RAB18: variants seen among roughly 807,000 people sequenced by gnomAD.
RAB18 encodes RAB18, member RAS oncogene family.
Under a neutral mutation model 28.5 loss-of-function variants are expected in RAB18, and 10 were observed. The observed-to-expected ratio is 0.35, with a 90% CI of 0.22 to 0.60. The LOEUF (loss-of-function observed/expected upper bound fraction) is 0.60. Among genes scored for constraint, RAB18 ranks in the 20% least tolerant of loss-of-function variants. The pLI is 0.78. For missense variants in RAB18, 188 were observed against 244.2 expected, an observed-to-expected ratio of 0.77 and a Z score of 1.53; for synonymous variants, 93 against 86.9, an observed-to-expected ratio of 1.07 and a Z score of -0.39.
At chr10:27,523,117 T>A (rs1050585228) in intron 2 of RAB18, among the ~76,000 whole-genome samples, 3 of 152,070 alleles carry the variant, frequency 2.0e-5, no homozygotes, top group Non-Finnish European at 4.4e-5. Context: ...TCTTTTCTAA[T>A]ATGGGTGTTT....
At chr10:27,522,476 T>C (rs1834580997) in intron 2 of RAB18, among the ~76,000 whole-genome samples, 1 of 152,202 alleles carries the variant, frequency 6.6e-6, no homozygotes, top group Non-Finnish European at 1.5e-5. Flanking sequence ...ATAGAAAGCA[T>C]GTAGTTGAAT....
At chr10:27,504,518 G>C in intron 1 of RAB18, 81 bp downstream of exon 1, 1 of 1,472,254 alleles carries the variant, frequency 6.8e-7, no homozygotes, top group Non-Finnish European at 9.3e-7. Flanking sequence ...GCCGCGACGG[G>C]AACTGTAAAC....
At chr10:27,536,093 A>G (rs993744751) in intron 6 of RAB18, among the ~76,000 whole-genome samples, 4 of 151,790 alleles carry the variant, frequency 2.6e-5, no homozygotes, top group Non-Finnish European at 5.9e-5. Flanking sequence ...AAAAAAAAAA[A>G]AGAGAGCAAT....
chr10:27,530,769 A>G (rs1834772195), intron 3 of RAB18, among the ~76,000 whole-genome samples: 1 of 151,878 alleles, frequency 6.6e-6, no homozygotes, highest in Non-Finnish European at 1.5e-5. Flanking sequence ...TATGATATGC[A>G]TAGTAGTTAC....
At chr10:27,526,021 G>A (rs903032064) in intron 2 of RAB18, among the ~76,000 whole-genome samples, 8 of 152,154 alleles carry the variant, frequency 5.3e-5, no homozygotes, top group Admixed American at 2.6e-4. Context: ...GTGGGCAGTT[G>A]CTGTTCATTT....
At chr10:27,509,019 C>T (rs1405369740) in intron 1 of RAB18, among the ~76,000 whole-genome samples, 1 of 152,188 alleles carries the variant, frequency 6.6e-6, no homozygotes, top group Non-Finnish European at 1.5e-5. Context: ...TAATAACTGA[C>T]ACTTCTGCTT....
At chr10:27,507,700 C>A (rs1211961630) in intron 1 of RAB18, among the ~76,000 whole-genome samples, 1 of 151,860 alleles carries the variant, frequency 6.6e-6, no homozygotes, top group Admixed American at 6.6e-5. Context: ...ACATTTTGCT[C>A]CTTTAACTTT....
intron 6 of RAB18, among the ~76,000 whole-genome samples, chr10:27,535,876 G>A (rs184144731): frequency 3.0e-3 from 458 of 152,282 alleles, no homozygotes; most frequent in Non-Finnish European, 4.7e-3. Flanking sequence ...TACGAGGTCA[G>A]GAGATCGAGA....
At chr10:27,521,431 G>T (rs1834550663) in intron 2 of RAB18, among the ~76,000 whole-genome samples, 1 of 152,122 alleles carries the variant, frequency 6.6e-6, no homozygotes, top group Admixed American at 6.6e-5. Context: ...ATTCACAATT[G>T]CAAAAATATG....
Position 27,521,178 on chromosome 10 carries a change from A to T in RAB18, c.125-5650A>T, listed in dbSNP as rs1589573141. 2.0e-5 allele frequency among the ~76,000 whole-genome samples: 3 copies of T among 151,856 alleles called. No homozygotes were observed. In the South Asian group the frequency reaches 6.2e-4, roughly 31 times the overall value. ...TGGTTTGCATGATTTCGGTTTTTTAATATGTATTAAGACTTGTTTTGTAGC... is the reference window on the plus strand; with the variant it reads ...TGGTTTGCATGATTTCGGTTTTTTATTATGTATTAAGACTTGTTTTGTAGC... On this transcript the variant is annotated intron_variant, in intron 2 of 6. Coordinates refer to ENST00000356940, the MANE Select transcript of RAB18 (RefSeq NM_021252.5).
Position 27,523,265 on chromosome 10 carries a change from CTTTTTTTTTTTT to C in RAB18, c.125-3551_125-3540del, listed in dbSNP as rs34006982. Among the ~76,000 whole-genome samples, 9 of 79,522 alleles carry C rather than the reference CTTTTTTTTTTTT, an allele frequency of 1.1e-4. No homozygotes were observed. In the South Asian group the frequency reaches 1.8e-3, roughly 16 times the overall value. 52.2% of individuals were successfully genotyped at this position (79,522 alleles called of 152,430 possible). On this transcript the variant is annotated intron_variant, in intron 2 of 6. Coordinates refer to ENST00000356940, the MANE Select transcript of RAB18 (RefSeq NM_021252.5). Reference sequence around the variant, plus strand: ...ATGATGTCTCCGAGTTTTTCTTCTTCTTTTTTTTTTTTTTTTTTTTTTTGCTAGGGGCTTATT... The same window carrying C: ...ATGATGTCTCCGAGTTTTTCTTCTTCTTTTTTTTTTTGCTAGGGGCTTATT...
chr10:27,538,458 G>T lies in RAB18; in HGVS notation c.*407G>T, dbSNP rs575299893. 6 of 455,160 alleles carry T rather than the reference G, an allele frequency of 1.3e-5. No individual in the cohort carries two copies. In the East Asian group the frequency reaches 3.5e-4, roughly 26 times the overall value. 28.2% of individuals were successfully genotyped at this position (455,160 alleles called of 1,614,324 possible). On this transcript the variant is annotated 3_prime_UTR_variant, in exon 7 of 7. Coordinates refer to ENST00000356940, the MANE Select transcript of RAB18 (RefSeq NM_021252.5). ...CCTAGCACCACGGGGAAGAATAGAGGTATCATCAAACGTGGCAAATTTTCT... is the reference window on the plus strand; with the variant it reads ...CCTAGCACCACGGGGAAGAATAGAGTTATCATCAAACGTGGCAAATTTTCT...
chr10:27,529,773 T>C (rs1169159952), intron 3 of RAB18, among the ~76,000 whole-genome samples: 9 of 152,000 alleles, frequency 5.9e-5, no homozygotes, highest in African/African-American at 2.2e-4. Flanking sequence ...CTAACTTCTA[T>C]TTAAGCATAT....
At chr10:27,532,135 A>AG (rs1335629561) in intron 3 of RAB18, among the ~76,000 whole-genome samples, 2 of 151,982 alleles carry the variant, frequency 1.3e-5, no homozygotes, top group East Asian at 1.9e-4. Context: ...TAAAAAAAAA[A>AG]AAATTCCTGT....
chr10:27,531,960 A>C lies in RAB18; in HGVS notation c.187-547A>C, dbSNP rs184221577. On this transcript the variant is annotated intron_variant, in intron 3 of 6. Transcript: ENST00000356940. The stretch of plus-strand genomic sequence containing the variant: ...TAACATGAGTCAGAAATAACATGTA[A>C]TAAAGAATGGCTTGGTTATATGCAT... 1.5e-4 allele frequency among the ~76,000 whole-genome samples: 23 copies of C among 152,166 alleles called. No homozygotes were observed. In the East Asian group the frequency reaches 4.1e-3, roughly 27 times the overall value.
rs145212014 is a variant in RAB18, at chr10:27,533,361, AT to A, written c.260-364del. Among the ~76,000 whole-genome samples, 36 of 149,556 alleles carry A rather than the reference AT, an allele frequency of 2.4e-4. 1 individual carries two copies. Among genetic ancestry groups the A allele is most frequent in the South Asian group, 4.2e-4 (2 of 4,710 alleles). On this transcript the variant is annotated intron_variant, in intron 4 of 6. Coordinates refer to ENST00000356940, the MANE Select transcript of RAB18 (RefSeq NM_021252.5). The stretch of plus-strand genomic sequence containing the variant: ...GGGTCATAGATGTTTACATTCATGT[AT>A]TTTTTTTTTAATATTTTGCCACAGA...
intron 3 of RAB18, 185 bp downstream of exon 3, chr10:27,527,074 TTTG>T (rs1328114426): frequency 4.1e-6 from 3 of 732,110 alleles, no homozygotes; most frequent in Non-Finnish European, 7.5e-6. Flanking sequence ...GCAGCTATGT[TTTG>T]TTTAAATTTT....
At position 27,533,025 on chromosome 10, in the gene RAB18, A is replaced by T. The variant is rs1164643032; in HGVS notation, c.259+446A>T. ...TAATCAAACAAAATTTAGAAACCAG[A>T]TGTGGATTCTCAGTGTAATTTGTTG... On this transcript the variant is annotated intron_variant, in intron 4 of 6. Coordinates refer to ENST00000356940, the MANE Select transcript of RAB18 (RefSeq NM_021252.5). 2.6e-5 allele frequency among the ~76,000 whole-genome samples: 4 copies of T among 152,102 alleles called. No individual in the cohort carries two copies. In the South Asian group the frequency reaches 8.3e-4, roughly 31 times the overall value.
chr10:27,535,997 T>G (rs1211941439), intron 6 of RAB18, among the ~76,000 whole-genome samples: 7 of 150,556 alleles, frequency 4.6e-5, no homozygotes, highest in Non-Finnish European at 1.0e-4. Context: ...GCAGGAGAAT[T>G]GCTTGAACCT....
Sources: gnomAD v4.1 joint callset for allele counts (sites outside exome capture counted in the v4.1 genomes callset) on GRCh38, gnomAD v4.1.1 for gene constraint, MANE v1.5 for transcripts, NCBI Gene and HGNC (gene_info 2026-07-23, HGNC 2026-07-21) for gene names.